The following SETBP1 variants were observed in gnomAD, a reference collection of about 807,000 sequenced individuals.
SETBP1 encodes the protein SET-binding protein.
SETBP1 carries 9 observed loss-of-function variants against 101.0 expected under a neutral mutation model. The observed-to-expected ratio is 0.09, with a 90% CI of 0.05 to 0.16. The LOEUF (loss-of-function observed/expected upper bound fraction) is 0.16, where lower values mean the gene tolerates loss of function less well. SETBP1 is among the 10% of genes least tolerant of loss of function. SETBP1 has a pLI of 1.00. For missense variants in SETBP1, 1,858 were observed against 2,033.8 expected (o/e 0.91, Z 1.66); for synonymous variants, 818 against 788.5 (o/e 1.04, Z -0.63).
At chr18:44,807,514 C>G (rs978716310) in intron 2 of SETBP1, among the ~76,000 whole-genome samples, 7 of 151,828 alleles carry the variant, frequency 4.6e-5, no homozygotes, top group Non-Finnish European at 1.5e-5. Flanking sequence ...TGTTTCTGGC[C>G]GAGAGTACTT....
Position 44,861,219 on chromosome 18 carries a change from T to TTTTAC in SETBP1, c.487-8008_487-8007insACTTT, listed in dbSNP as rs1568185944. 3.4e-4 allele frequency among the ~76,000 whole-genome samples: 49 copies of TTTTAC among 145,114 alleles called. 1 individual carries two copies. Among genetic ancestry groups the TTTTAC allele is most frequent in the African/African-American group, 1.1e-3 (43 of 38,548 alleles). The stretch of plus-strand genomic sequence containing the variant: ...GAAAACCACTGTCTTGTGGATTTCC[T>TTTTAC]TTTTCTTTTCTTTTTTTTTTTTTTT... On this transcript the variant is annotated intron_variant, in intron 2 of 5. Transcript: ENST00000649279.
chr18:44,992,242 G>T (rs137969951), intron 4 of SETBP1, among the ~76,000 whole-genome samples: 1 of 151,998 alleles, frequency 6.6e-6, no homozygotes, highest in Non-Finnish European at 1.5e-5. Context: ...GTAGAAGAAA[G>T]GAATGTATAA....
At chr18:44,780,048 T>C (rs1249657387) in intron 2 of SETBP1, among the ~76,000 whole-genome samples, 4 of 152,150 alleles carry the variant, frequency 2.6e-5, no homozygotes, top group Non-Finnish European at 5.9e-5. Context: ...TCCCTCCTTG[T>C]TTGGGAGTGG....
chr18:44,725,650 G>A (rs1367215199), intron 2 of SETBP1, among the ~76,000 whole-genome samples: 2 of 152,108 alleles, frequency 1.3e-5, no homozygotes, highest in Non-Finnish European at 2.9e-5. Context: ...TTGCCAATAG[G>A]AACCCACAGA....
chr18:44,869,290 T>A lies in SETBP1; in HGVS notation c.540+7T>A, dbSNP rs766718575. On this transcript the variant is annotated splice_region_variant and intron_variant, in intron 3 of 5. Transcript: ENST00000649279. ...CAAAGGATTTCAGCCACAGGTAAGT[T>A]CCACTGATGCTTTTAAGAAGTTTGG... 1.2e-6 allele frequency: 2 copies of A among 1,613,504 alleles called. No homozygotes were observed. Among genetic ancestry groups the A allele is most frequent in the Non-Finnish European group, 1.7e-6 (2 of 1,179,448 alleles).
At chr18:44,929,435 T>C (rs2144980704) in intron 3 of SETBP1, among the ~76,000 whole-genome samples, 1 of 152,298 alleles carries the variant, frequency 6.6e-6, no homozygotes, top group Middle Eastern at 3.4e-3. Context: ...TTTGGTTCCA[T>C]ATGAACTTTA....
intron 2 of SETBP1, among the ~76,000 whole-genome samples, chr18:44,725,679 C>A (rs187544061): frequency 7.4e-4 from 112 of 152,230 alleles, no homozygotes; most frequent in African/African-American, 2.5e-3. Flanking sequence ...GACATCCTCC[C>A]GGTGCTATGT....
At position 44,950,202 on chromosome 18, in the gene SETBP1, G is replaced by T; in HGVS notation, c.862G>T (p.Gly288Cys). The part of the protein sequence containing the change: ...SNNNKDLLLG[G>C]VAPSPSSHSS... ...CAATAACAAAGATCTGCTCTTGGGAGGTGTGGCTCCATCCCCAAGCAGCCA... is the reference window on the plus strand; with the variant it reads ...CAATAACAAAGATCTGCTCTTGGGATGTGTGGCTCCATCCCCAAGCAGCCA... Residue 288 changes from glycine to cysteine, a missense_variant, in exon 4 of 6, where the codon GGT becomes TGT. By Grantham distance (159) the Gly-to-Cys change is radical. Transcript: ENST00000649279. The T allele has an allele frequency of 6.2e-7, 1 of 1,613,902 alleles. No individual in the cohort carries two copies. Among genetic ancestry groups the T allele is most frequent in the Non-Finnish European group, 8.5e-7 (1 of 1,180,036 alleles).
intron 3 of SETBP1, among the ~76,000 whole-genome samples, chr18:44,947,764 C>G (rs747263274): frequency 8.5e-5 from 13 of 152,136 alleles, no homozygotes; most frequent in Non-Finnish European, 1.5e-4. Context: ...CCTCGGCCTC[C>G]CAAGTACTGG....
intron 2 of SETBP1, among the ~76,000 whole-genome samples, chr18:44,865,265 A>G (rs1198773035): frequency 2.6e-5 from 4 of 152,166 alleles, no homozygotes; most frequent in South Asian, 2.1e-4. Context: ...TTTTAGTACC[A>G]AACATTGGTT....
At chr18:44,994,305 A>G (rs1313702118) in intron 4 of SETBP1, among the ~76,000 whole-genome samples, 1 of 152,180 alleles carries the variant, frequency 6.6e-6, no homozygotes, top group Non-Finnish European at 1.5e-5. Context: ...CTTGTAATCC[A>G]GGAAAATTAC....
chr18:44,753,621 CCTGCCAAGA>C (rs2070433925), intron 2 of SETBP1, among the ~76,000 whole-genome samples: 2 of 152,216 alleles, frequency 1.3e-5, no homozygotes, highest in Admixed American at 1.3e-4. Context: ...CTATCCCATG[CCTGCCAAGA>C]CCATGAATGA....
At chr18:44,919,736 TTA>T (rs1263799096) in intron 3 of SETBP1, among the ~76,000 whole-genome samples, 13 of 151,100 alleles carry the variant, frequency 8.6e-5, no homozygotes, top group African/African-American at 1.7e-4. Flanking sequence ...ATTTATTATA[TTA>T]TATATATGTA....
intron 2 of SETBP1, among the ~76,000 whole-genome samples, chr18:44,779,926 A>G (rs1044870788): frequency 7.2e-5 from 11 of 151,796 alleles, no homozygotes; most frequent in East Asian, 5.8e-4. Context: ...ACACACACAC[A>G]CACGCACGCA....
Position 44,951,663 on chromosome 18 carries a change from G to T in SETBP1, c.2323G>T (p.Ala775Ser). ...FQSLVASSPAAMHPLSTQLGG... is the reference protein window; with the variant it reads ...FQSLVASSPASMHPLSTQLGG... Reference sequence around the variant, plus strand: ...GTCACTTGTGGCGTCTTCACCAGCAGCTATGCACCCACTTTCAACACAGTT... The same window carrying T: ...GTCACTTGTGGCGTCTTCACCAGCATCTATGCACCCACTTTCAACACAGTT... Residue 775 changes from alanine (A) to serine (S), a missense_variant, in exon 4 of 6, where the codon GCT (alanine) becomes TCT (serine). Ala to Ser is a moderately conservative substitution (Grantham distance 99). Transcript: ENST00000649279. This position sits in a 1 kb window ranked among gnomAD's most constrained non-coding sequence, Gnocchi z 7.8. 4.3e-6 allele frequency: 7 copies of T among 1,614,178 alleles called. No homozygotes were observed. The highest frequency in any genetic ancestry group is 5.9e-6 in the Non-Finnish European group (7 of 1,180,040).
intron 4 of SETBP1, among the ~76,000 whole-genome samples, chr18:44,999,081 G>T (rs1042084267): frequency 2.7e-4 from 41 of 152,230 alleles, no homozygotes; most frequent in South Asian, 1.5e-3. Context: ...TGTAAAGCAG[G>T]TCCTACTGTC....
chr18:44,952,139 C>A lies in SETBP1; in HGVS notation c.2799C>A (p.Leu933=), dbSNP rs942684274. Residue 933 remains leucine (L), a synonymous_variant, in exon 4 of 6, where the codon CTC becomes CTA. Transcript: ENST00000649279. ...IVDNFLAHES[L]KKPKHKRKRK... is the part of the protein sequence containing the mutation. The stretch of plus-strand genomic sequence containing the variant: ...ACAACTTTCTGGCCCACGAAAGCCT[C>A]AAGAAGCCAAAGCACAAGAGGAAAC... The A allele has an allele frequency of 1.7e-5, 28 of 1,613,992 alleles. No homozygotes were observed. The highest frequency in any genetic ancestry group is 3.3e-5 in the Admixed American group (2 of 59,992).
chr18:45,038,783 T>C (rs1476457462), intron 5 of SETBP1, 128 bp downstream of exon 5: 2 of 941,892 alleles, frequency 2.1e-6, no homozygotes, highest in African/African-American at 3.3e-5. Flanking sequence ...ACTCTGAACA[T>C]GGGAGCCGTT....
rs751039254 is a variant in SETBP1, at chr18:44,876,727, C to T, written c.540+7444C>T. 8.0e-5 allele frequency: 123 copies of T among 1,542,940 alleles called. 2 individuals carry two copies. The Middle Eastern group carries it at 1.4e-3, about 17-fold the overall frequency. On this transcript the variant is annotated intron_variant, in intron 3 of 5. Transcript: ENST00000649279. The stretch of plus-strand genomic sequence containing the variant: ...TCTCACTCTTCCTTTTCACAGTGAA[C>T]CTGCAGTCTGGGCACAAGAAGTATA...
Sources: gnomAD v4.1 joint callset for allele counts (sites outside exome capture counted in the v4.1 genomes callset) on GRCh38, gnomAD v4.1.1 for gene constraint, Gnocchi (gnomAD v3.1) non-coding constraint, MANE v1.5 for transcripts, NCBI Gene and HGNC (gene_info 2026-07-23, HGNC 2026-07-21) for gene names.